GREB1L: variants seen among roughly 807,000 people sequenced by gnomAD.
GREB1L encodes the protein GREB1-like protein.
Under a neutral mutation model 200.8 loss-of-function variants are expected in GREB1L, and 17 were observed. That is an observed-to-expected ratio of 0.08 (90% confidence interval 0.06 to 0.13). GREB1L has a LOEUF of 0.13. GREB1L is among the 10% of genes least tolerant of loss of function. The pLI is 1.00. For missense variants in GREB1L, 1,657 were observed against 2,367.7 expected (o/e 0.70, Z 6.23); for synonymous variants, 789 against 893.0 (o/e 0.88, Z 2.08).
At chr18:21,448,068 A>G (rs1355210005) in intron 11 of GREB1L, among the ~76,000 whole-genome samples, 1 of 151,522 alleles carries the variant, frequency 6.6e-6, no homozygotes, top group East Asian at 2.0e-4. Context: ...AGGCTGAGAC[A>G]GGAGAATTGC....
intron 1 of GREB1L, among the ~76,000 whole-genome samples, chr18:21,336,756 C>T (rs758361357): frequency 2.6e-5 from 4 of 152,260 alleles, no homozygotes; most frequent in African/African-American, 7.2e-5. Context: ...CTATAGGCAG[C>T]GGCACCATGA....
At chr18:21,284,112 C>T (rs988341300) in intron 1 of GREB1L, among the ~76,000 whole-genome samples, 4 of 152,150 alleles carry the variant, frequency 2.6e-5, no homozygotes, top group African/African-American at 9.7e-5. Context: ...ACCTGTCAGC[C>T]TGTCACACAC....
At chr18:21,293,666 T>G (rs987543871) in intron 1 of GREB1L, among the ~76,000 whole-genome samples, 1 of 152,232 alleles carries the variant, frequency 6.6e-6, no homozygotes, top group Non-Finnish European at 1.5e-5. Context: ...TATGCCTGTT[T>G]GCCAATATAG....
chr18:21,466,910 T>C (rs2035280455), intron 15 of GREB1L, among the ~76,000 whole-genome samples: 1 of 152,126 alleles, frequency 6.6e-6, no homozygotes, highest in Non-Finnish European at 1.5e-5. Context: ...ATGATAAACA[T>C]ATAGATAAAC....
intron 2 of GREB1L, among the ~76,000 whole-genome samples, chr18:21,371,630 A>G (rs1221867647): frequency 3.9e-5 from 6 of 151,902 alleles, no homozygotes; most frequent in Non-Finnish European, 8.8e-5. Flanking sequence ...TACCAAAAAT[A>G]CAACAAATTA....
Position 21,347,913 on chromosome 18 carries a change from C to T in GREB1L, c.-119-18114C>T, listed in dbSNP as rs1451268984. Among the ~76,000 whole-genome samples, 7 of 145,552 alleles carry T rather than the reference C, an allele frequency of 4.8e-5. No individual in the cohort carries two copies. In the East Asian group the frequency reaches 8.0e-4, roughly 17 times the overall value. ...TCCCGAGTAGCTGGGACTACAAGCA[C>T]GTGCCACCACACTCGGCTAATTTTT... On this transcript the variant is annotated intron_variant, in intron 1 of 32. Transcript: ENST00000424526.
chr18:21,276,589 A>G (rs1175717162), intron 1 of GREB1L, among the ~76,000 whole-genome samples: 1 of 152,162 alleles, frequency 6.6e-6, no homozygotes, highest in Non-Finnish European at 1.5e-5. Flanking sequence ...CTGCACAGAG[A>G]AAATGGAGGC....
chr18:21,364,071 C>CT (rs1352338678), intron 1 of GREB1L, among the ~76,000 whole-genome samples: 1 of 151,828 alleles, frequency 6.6e-6, no homozygotes, highest in Non-Finnish European at 1.5e-5. Context: ...TTTCCTTCCT[C>CT]TTTTTTTCTA....
chr18:21,369,388 T>G (rs1274077775), intron 2 of GREB1L, among the ~76,000 whole-genome samples: 3 of 152,168 alleles, frequency 2.0e-5, no homozygotes, highest in Non-Finnish European at 2.9e-5. Context: ...TTGTTTTGCT[T>G]CTTTGATCTT....
At chr18:21,458,715 T>TA (rs534676863) in intron 15 of GREB1L, among the ~76,000 whole-genome samples, 3 of 151,276 alleles carry the variant, frequency 2.0e-5, no homozygotes, top group South Asian at 2.1e-4. Flanking sequence ...ATTTGAAGGT[T>TA]AAAAAAAAAG....
intron 15 of GREB1L, among the ~76,000 whole-genome samples, chr18:21,459,350 A>G (rs2034931874): frequency 7.0e-6 from 1 of 141,942 alleles, no homozygotes; most frequent in Admixed American, 7.6e-5. Context: ...CAGTGGCACA[A>G]TCTCGGCTCA....
intron 1 of GREB1L, among the ~76,000 whole-genome samples, chr18:21,284,119 A>G (rs1451069292): frequency 6.6e-6 from 1 of 152,134 alleles, no homozygotes; most frequent in Non-Finnish European, 1.5e-5. Flanking sequence ...AGCCTGTCAC[A>G]CACCCCTACT....
chr18:21,329,797 T>C (rs1385721856), intron 1 of GREB1L, among the ~76,000 whole-genome samples: 1 of 152,168 alleles, frequency 6.6e-6, no homozygotes, highest in Admixed American at 6.5e-5. Flanking sequence ...GGGAACACTT[T>C]AGAGTTCCCT....
intron 8 of GREB1L, 111 bp from the exon 9 acceptor site, chr18:21,440,158 T>C (rs1195343409): frequency 5.3e-6 from 6 of 1,124,678 alleles, no homozygotes; most frequent in Non-Finnish European, 7.5e-6. Context: ...TTTCTGAGTA[T>C]AATCAAATTA....
At chr18:21,454,923 G>A (rs545229760) in intron 15 of GREB1L, 12 of 326,638 alleles carry the variant, frequency 3.7e-5, no homozygotes, top group South Asian at 2.5e-4. Context: ...CCACCTGCAG[G>A]CCTCATTTGC....
At chr18:21,356,140 A>ATT (rs34493144) in intron 1 of GREB1L, among the ~76,000 whole-genome samples, 16 of 142,284 alleles carry the variant, frequency 1.1e-4, no homozygotes, top group African/African-American at 4.1e-4. Flanking sequence ...CACCCAACTA[A>ATT]TTTTTTTTTT....
At chr18:21,274,865 C>A (rs932711454) in intron 1 of GREB1L, among the ~76,000 whole-genome samples, 1 of 149,672 alleles carries the variant, frequency 6.7e-6, no homozygotes, top group African/African-American at 2.5e-5. Flanking sequence ...CCAGCCTGGG[C>A]AACACAGCAA....
chr18:21,475,970 CAAAAAAAAAAAAAAA>C (rs71178177), intron 16 of GREB1L, among the ~76,000 whole-genome samples: 1 of 58,366 alleles, frequency 1.7e-5, no homozygotes, highest in South Asian at 1.0e-3. Context: ...GACTCCGTCT[CAAAAAAAAAAAAAAA>C]AAAAAAAAAA....
intron 23 of GREB1L, among the ~76,000 whole-genome samples, chr18:21,501,874 G>A (rs1436804813): frequency 6.6e-6 from 1 of 152,200 alleles, no homozygotes; most frequent in Non-Finnish European, 1.5e-5. Context: ...ATAGGGCTGT[G>A]GAAGCCAGTG....
Sources: gnomAD v4.1 joint callset for allele counts (sites outside exome capture counted in the v4.1 genomes callset) on GRCh38, gnomAD v4.1.1 for gene constraint, MANE v1.5 for transcripts, NCBI Gene and HGNC (gene_info 2026-07-23, HGNC 2026-07-21) for gene names.